CDH18: variants seen among roughly 807,000 people sequenced by gnomAD.
CDH18 encodes cadherin 18.
In CDH18, 31 loss-of-function variants were observed where a neutral mutation model predicts 67.9. That is an observed-to-expected ratio of 0.46 (90% CI 0.34 to 0.62). CDH18 has a LOEUF of 0.62. Among genes scored for constraint, CDH18 ranks in the 20% least tolerant of loss-of-function variants. The probability of loss-of-function intolerance (pLI) is 0.01; values close to 1 mark genes in which losing one functional copy is unlikely to be tolerated. For synonymous variants in CDH18, 362 were observed against 347.2 expected, an observed-to-expected ratio of 1.04 and a Z score of -0.48; for missense variants, 890 against 975.5, an observed-to-expected ratio of 0.91 and a Z score of 1.17.
At chr5:20,387,757 A>C (rs191988094) in intron 1 of CDH18, among the ~76,000 whole-genome samples, 52 of 152,172 alleles carry the variant, frequency 3.4e-4, no homozygotes, top group Admixed American at 5.2e-4. Context: ...TACCTAATTT[A>C]TTGAGAGTTT....
chr5:20,568,725 G>A (rs1179235518), intron 1 of CDH18, among the ~76,000 whole-genome samples: 1 of 152,046 alleles, frequency 6.6e-6, no homozygotes, highest in Non-Finnish European at 1.5e-5. Flanking sequence ...TTCCTCCGAG[G>A]ACTACTAAAC....
At chr5:20,131,138 T>C (rs183917509) in intron 2 of CDH18, among the ~76,000 whole-genome samples, 3 of 152,264 alleles carry the variant, frequency 2.0e-5, no homozygotes. Flanking sequence ...AAAAAGTCTC[T>C]ACTTTCTTTT....
intron 2 of CDH18, chr5:20,159,056 G>A (rs1294176093): frequency 6.5e-6 from 1 of 152,878 alleles, no homozygotes; most frequent in Non-Finnish European, 1.5e-5. Flanking sequence ...GTGAATGAAA[G>A]TTATTTTATG....
At chr5:20,031,789 T>A (rs1197260688) in intron 2 of CDH18, among the ~76,000 whole-genome samples, 1 of 152,108 alleles carries the variant, frequency 6.6e-6, no homozygotes, top group Non-Finnish European at 1.5e-5. Flanking sequence ...ACAAATGTCC[T>A]TGCACAGAAG....
At chr5:19,701,390 G>C (rs887094893) in intron 5 of CDH18, among the ~76,000 whole-genome samples, 1 of 152,052 alleles carries the variant, frequency 6.6e-6, no homozygotes, top group Non-Finnish European at 1.5e-5. Context: ...ACAGTGAAAA[G>C]ATAGAAACAA....
intron 6 of CDH18, among the ~76,000 whole-genome samples, chr5:19,610,986 C>T (rs1748859538): frequency 6.6e-6 from 1 of 152,106 alleles, no homozygotes; most frequent in Admixed American, 6.6e-5. Flanking sequence ...TTAACTATGA[C>T]TATGATTTGC....
chr5:20,285,035 C>T (rs570120789), intron 1 of CDH18, among the ~76,000 whole-genome samples: 1 of 151,762 alleles, frequency 6.6e-6, no homozygotes, highest in South Asian at 2.1e-4. Context: ...TATGGTTATA[C>T]ATTTTGCCTA....
chr5:20,352,465 T>A (rs1741267435), intron 1 of CDH18, among the ~76,000 whole-genome samples: 1 of 151,960 alleles, frequency 6.6e-6, no homozygotes, highest in Admixed American at 6.6e-5. Flanking sequence ...CTCATTTTAA[T>A]ATTACAAATT....
At chr5:20,390,757 A>G (rs968733764) in intron 1 of CDH18, among the ~76,000 whole-genome samples, 4 of 152,188 alleles carry the variant, frequency 2.6e-5, no homozygotes, top group African/African-American at 9.7e-5. Flanking sequence ...TCAATGATAG[A>G]CTGGATTAAG....
chr5:20,554,245 T>C (rs998727425), intron 1 of CDH18, among the ~76,000 whole-genome samples: 1 of 152,192 alleles, frequency 6.6e-6, no homozygotes, highest in East Asian at 1.9e-4. Context: ...CCAATAAAGC[T>C]TGATTCATAA....
intron 2 of CDH18, among the ~76,000 whole-genome samples, chr5:20,220,326 T>A (rs1741125587): frequency 1.3e-5 from 2 of 151,854 alleles, no homozygotes; most frequent in Admixed American, 6.6e-5. Flanking sequence ...ACATACATAC[T>A]TCTACAATAA....
At chr5:20,107,133 T>A (rs1172834359) in intron 2 of CDH18, among the ~76,000 whole-genome samples, 1 of 150,400 alleles carries the variant, frequency 6.6e-6, no homozygotes, top group African/African-American at 2.4e-5. Context: ...CAGGCTGGAG[T>A]GCAGTGGCGA....
intron 2 of CDH18, among the ~76,000 whole-genome samples, chr5:20,252,452 ATTAG>A (rs1474755710): frequency 1.2e-4 from 18 of 152,272 alleles, no homozygotes; most frequent in Admixed American, 1.2e-3. Flanking sequence ...ACCTATTATA[ATTAG>A]TTGGTATTCA....
rs187760966 is a variant in CDH18, at chr5:20,552,999, C to T, written c.-580+22463G>A. 8.2e-3 allele frequency among the ~76,000 whole-genome samples: 1,255 copies of T among 152,192 alleles called. 9 individuals carry two copies. Among genetic ancestry groups the T allele is most frequent in the Non-Finnish European group, 0.014 (944 of 68,004 alleles). On this transcript the variant is annotated intron_variant, in intron 1 of 14. Coordinates refer to the CDH18 transcript ENST00000507958. ...TGAACTCCTGACCTCGTGATACGCC[C>T]GCCTGGGCCTCCCAAAGTGCTGGGA...
chr5:20,103,725 G>A (rs916955228), intron 2 of CDH18, among the ~76,000 whole-genome samples: 11 of 148,320 alleles, frequency 7.4e-5, no homozygotes, highest in African/African-American at 2.0e-4. Context: ...AGTGTGAGAC[G>A]CCGTCTCAAA....
chr5:19,923,929 A>G (rs973648797), intron 2 of CDH18, among the ~76,000 whole-genome samples: 2 of 152,280 alleles, frequency 1.3e-5, no homozygotes, highest in Admixed American at 6.5e-5. Flanking sequence ...GTGCCACCCC[A>G]TCCCCCGGTG....
chr5:20,052,272 G>C (rs913162867), intron 2 of CDH18, among the ~76,000 whole-genome samples: 1 of 152,066 alleles, frequency 6.6e-6, no homozygotes, highest in African/African-American at 2.4e-5. Context: ...CCGTAGTGCA[G>C]GATGAGACAT....
At chr5:19,703,873 C>A (rs1210353096) in intron 5 of CDH18, among the ~76,000 whole-genome samples, 2 of 152,144 alleles carry the variant, frequency 1.3e-5, no homozygotes, top group Non-Finnish European at 2.9e-5. Context: ...GTTGCTGTCT[C>A]CAGTCAGATG....
intron 5 of CDH18, among the ~76,000 whole-genome samples, chr5:19,655,067 C>G (rs76227593): frequency 6.6e-6 from 1 of 152,110 alleles, no homozygotes. Context: ...AATGCCAGTT[C>G]GCACTTAGCG....
Sources: gnomAD v4.1 joint callset for allele counts (sites outside exome capture counted in the v4.1 genomes callset) on GRCh38, gnomAD v4.1.1 for gene constraint, MANE v1.5 for transcripts, NCBI Gene and HGNC (gene_info 2026-07-23, HGNC 2026-07-21) for gene names.